The following GUCY1A2 variants were observed in gnomAD, a reference collection of about 807,000 sequenced individuals.
GUCY1A2 encodes guanylate cyclase soluble subunit alpha-2.
In GUCY1A2, 27 loss-of-function variants were observed where a neutral mutation model predicts 63.5. The ratio of observed to expected loss-of-function variants is 0.43; its 90% CI spans 0.31 to 0.59. The LOEUF (loss-of-function observed/expected upper bound fraction) is 0.59. Ranked by LOEUF, GUCY1A2 falls within the 20% of genes least tolerant of loss-of-function variation. The pLI, the probability that GUCY1A2 is intolerant of heterozygous loss-of-function variation, is 0.11. For missense variants in GUCY1A2, 768 were observed against 913.3 expected (o/e 0.84, Z 2.05); for synonymous variants, 364 against 343.5 (o/e 1.06, Z -0.66).
At chr11:106,861,792 C>G (rs937170716) in intron 4 of GUCY1A2, among the ~76,000 whole-genome samples, 3 of 151,852 alleles carry the variant, frequency 2.0e-5, no homozygotes, top group Non-Finnish European at 4.4e-5. Flanking sequence ...TTTAAAAAAA[C>G]ACTTTTATCT....
intron 4 of GUCY1A2, among the ~76,000 whole-genome samples, chr11:106,930,600 G>A (rs892344112): frequency 1.1e-4 from 17 of 152,178 alleles, no homozygotes; most frequent in African/African-American, 4.1e-4. Flanking sequence ...AAAGAAAGAT[G>A]CTGTAGCTTA....
intron 4 of GUCY1A2, among the ~76,000 whole-genome samples, chr11:106,874,660 C>T (rs1859725536): frequency 6.6e-6 from 1 of 151,780 alleles, no homozygotes; most frequent in East Asian, 1.9e-4. Flanking sequence ...AAAATCTCAG[C>T]AAACCAGAAA....
At position 106,686,467 on chromosome 11, in the gene GUCY1A2, G is replaced by T. The variant is rs1862527954; in HGVS notation, c.*1082C>A. The T allele has an allele frequency of 4.6e-6, 1 of 217,562 alleles. No individual in the cohort carries two copies. The highest frequency in any genetic ancestry group is 6.8e-5 in the East Asian group (1 of 14,736). 13.5% of individuals were successfully genotyped at this position (217,562 alleles called of 1,614,324 possible). Reference sequence around the variant, plus strand: ...GAAGAAACAACATTCTTGGCAAACTGTCCTGACACTTCTTTGTCACTAATG... The same window carrying T: ...GAAGAAACAACATTCTTGGCAAACTTTCCTGACACTTCTTTGTCACTAATG... On this transcript the variant is annotated 3_prime_UTR_variant, in exon 8 of 8. Coordinates refer to ENST00000526355, the MANE Select transcript of GUCY1A2 (RefSeq NM_000855.3).
chr11:106,830,855 T>C (rs1342512248), intron 4 of GUCY1A2, among the ~76,000 whole-genome samples: 2 of 152,210 alleles, frequency 1.3e-5, no homozygotes, highest in African/African-American at 2.4e-5. Flanking sequence ...AGTACCCACA[T>C]ATACATGTAC....
intron 7 of GUCY1A2, among the ~76,000 whole-genome samples, chr11:106,691,158 G>A (rs1347763089): frequency 6.6e-6 from 1 of 152,078 alleles, no homozygotes; most frequent in Non-Finnish European, 1.5e-5. Flanking sequence ...TTTTTTAGTG[G>A]TTATGACATT....
Position 106,934,119 on chromosome 11 carries a change from A to C in GUCY1A2, c.1206+5341T>G, listed in dbSNP as rs1412704831. 2.2e-4 allele frequency among the ~76,000 whole-genome samples: 33 copies of C among 152,212 alleles called. 1 individual carries two copies. Among genetic ancestry groups the C allele is most frequent in the Non-Finnish European group, 2.9e-5 (2 of 68,032 alleles). On this transcript the variant is annotated intron_variant, in intron 4 of 7. Coordinates refer to ENST00000526355, the MANE Select transcript of GUCY1A2 (RefSeq NM_000855.3). ...GAAGTTCAAATTATTAAAAAATAATAAATTACATTAAAAGAAAAAAGGGCA... is the reference window on the plus strand; with the variant it reads ...GAAGTTCAAATTATTAAAAAATAATCAATTACATTAAAAGAAAAAAGGGCA...
chr11:106,684,933 G>C lies in GUCY1A2; in HGVS notation c.*2616C>G, dbSNP rs1382179291. The C allele has an allele frequency of 4.9e-6, 1 of 203,700 alleles. No homozygotes were observed. The highest frequency in any genetic ancestry group is 1.0e-5 in the Non-Finnish European group (1 of 99,354). The allele number at this position is 203,700 out of a possible 1,614,324, so 12.6% of individuals were successfully genotyped here. A position where few individuals can be genotyped will look rare whatever the true frequency, so the allele number is the denominator to read the frequency against. On this transcript the variant is annotated 3_prime_UTR_variant, in exon 8 of 8. Transcript: ENST00000526355. ...GAAGAGATGTAGATGGCATTGTGTA[G>C]GACAAATAAAAATATAATTTTTTCT... is the stretch of plus-strand genomic sequence containing the variant.
chr11:106,707,629 G>C (rs374373355), intron 7 of GUCY1A2, among the ~76,000 whole-genome samples: 11 of 151,916 alleles, frequency 7.2e-5, no homozygotes, highest in African/African-American at 2.4e-4. Flanking sequence ...TATTTACAGA[G>C]TGCTTATTAT....
At chr11:106,799,685 C>A (rs1864835689) in intron 5 of GUCY1A2, among the ~76,000 whole-genome samples, 1 of 152,160 alleles carries the variant, frequency 6.6e-6, no homozygotes, top group Non-Finnish European at 1.5e-5. Context: ...ACTGGCTAGC[C>A]ATATGTAGGA....
rs912318519 is a variant in GUCY1A2 at position 106,675,246 on chromosome 11, C to T, written c.*12303G>A. 5.2e-5 allele frequency: 10 copies of T among 192,616 alleles called. No homozygotes were observed. The highest frequency in any genetic ancestry group is 7.1e-5 in the African/African-American group (3 of 42,120). The allele number at this position is 192,616 out of a possible 1,614,324, so 11.9% of individuals were successfully genotyped here. A position where few individuals can be genotyped will look rare whatever the true frequency, so the allele number is the denominator to read the frequency against. ...GGCAGCTGTTATAAAACTTCTTTTT[C>T]GAAGGCAAAATTCTCAGGAGGACTT... On this transcript the variant is annotated 3_prime_UTR_variant, in exon 8 of 8. Transcript: ENST00000526355.
chr11:106,939,582 C>G lies in GUCY1A2; in HGVS notation c.1084G>C (p.Asp362His). The G allele has an allele frequency of 6.2e-7, 1 of 1,613,196 alleles. No individual in the cohort carries two copies. Among genetic ancestry groups the G allele is most frequent in the Non-Finnish European group, 8.5e-7 (1 of 1,179,140 alleles). Residue 362 changes from aspartate to histidine, a missense_variant, in exon 4 of 8, where the codon GAC (aspartate) becomes CAC (histidine). Transcript: ENST00000526355. ...TTTGGAGATACAATCTCGAAGCAGT[C>G]CTCAAACTTGAGCACTTTGTGAGTG... The part of the protein sequence containing the change: ...CDTHKVLKFE[D>H]CFEIVSPKVN...
chr11:106,995,488 T>C (rs1325258757), intron 1 of GUCY1A2, among the ~76,000 whole-genome samples: 1 of 152,162 alleles, frequency 6.6e-6, no homozygotes, highest in Non-Finnish European at 1.5e-5. Flanking sequence ...CAGAAAAGAT[T>C]ATAGTTGAAA....
chr11:106,868,403 C>A (rs1317110710), intron 4 of GUCY1A2, among the ~76,000 whole-genome samples: 1 of 152,110 alleles, frequency 6.6e-6, no homozygotes, highest in Non-Finnish European at 1.5e-5. Context: ...GCAACTTCAG[C>A]AAAGTCTCAG....
intron 3 of GUCY1A2, among the ~76,000 whole-genome samples, chr11:106,959,443 T>TTC (rs1591344196): frequency 6.6e-6 from 1 of 152,342 alleles, no homozygotes; most frequent in East Asian, 1.9e-4. Context: ...ATTCATAATG[T>TTC]TCATGATATG....
chr11:106,920,466 C>T (rs951026883), intron 4 of GUCY1A2, among the ~76,000 whole-genome samples: 11 of 152,000 alleles, frequency 7.2e-5, no homozygotes. Context: ...AAATCACATT[C>T]CACCAACTCA....
intron 1 of GUCY1A2, among the ~76,000 whole-genome samples, chr11:106,992,660 CA>C (rs1287672781): frequency 1.3e-5 from 2 of 151,986 alleles, no homozygotes; most frequent in African/African-American, 4.8e-5. Flanking sequence ...AAACTGTCTT[CA>C]ATAAGTAAGT....
At chr11:106,750,662 T>C (rs1863866556) in intron 6 of GUCY1A2, among the ~76,000 whole-genome samples, 1 of 152,054 alleles carries the variant, frequency 6.6e-6, no homozygotes, top group Non-Finnish European at 1.5e-5. Context: ...ATAAGAAAGA[T>C]ATTTGATTCA....
Position 106,700,981 on chromosome 11 carries a change from G to T in GUCY1A2, c.1991+7531C>A, listed in dbSNP as rs1862808226. ...AGCAGAGTTTCTAGCTAGTGTTTTT[G>T]ACTAGTATTACTGATTATTAAACTA... On this transcript the variant is annotated intron_variant, in intron 7 of 7. Transcript: ENST00000526355. 4.6e-5 allele frequency among the ~76,000 whole-genome samples: 7 copies of T among 152,106 alleles called. No homozygotes were observed. In the East Asian group the frequency reaches 1.4e-3, roughly 29 times the overall value.
chr11:106,797,728 A>G (rs1471044560), intron 5 of GUCY1A2, among the ~76,000 whole-genome samples: 2 of 152,226 alleles, frequency 1.3e-5, no homozygotes, highest in Non-Finnish European at 2.9e-5. Context: ...GTGAGAACAA[A>G]GACACAACAA....
Sources: gnomAD v4.1 joint callset for allele counts (sites outside exome capture counted in the v4.1 genomes callset) on GRCh38, gnomAD v4.1.1 for gene constraint, MANE v1.5 for transcripts, NCBI Gene and HGNC (gene_info 2026-07-23, HGNC 2026-07-21) for gene names.